ALDH3B2: variants seen among roughly 807,000 people sequenced by gnomAD.
ALDH3B2 encodes aldehyde dehydrogenase family 3 member B2.
In ALDH3B2, 45 loss-of-function variants were observed where a neutral mutation model predicts 36.7. That is an observed-to-expected ratio of 1.23 (90% CI 0.97 to 1.57). ALDH3B2 has a LOEUF of 1.57. Ranked by LOEUF, ALDH3B2 falls within the 40% of genes most tolerant of loss-of-function variation. ALDH3B2 has a pLI of 0.00. For missense variants in ALDH3B2, 464 were observed against 513.3 expected (o/e 0.90, Z 0.93); for synonymous variants, 217 against 226.5 (o/e 0.96, Z 0.38).
At chr11:67,664,725 C>G (rs560152475) in intron 7 of ALDH3B2, among the ~76,000 whole-genome samples, 163 bp from the exon 8 acceptor site, 2 of 152,192 alleles carry the variant, frequency 1.3e-5, no homozygotes, top group Non-Finnish European at 2.9e-5. Flanking sequence ...AAGAAAGTTT[C>G]CCCACAGCCC....
upstream of ALDH3B2, among the ~76,000 whole-genome samples, chr11:67,678,060 C>T (rs1423933202): frequency 1.3e-5 from 2 of 152,126 alleles, no homozygotes; most frequent in Non-Finnish European, 2.9e-5. Context: ...TCTACAAATT[C>T]AACACAATCT....
intron 7 of ALDH3B2, among the ~76,000 whole-genome samples, 195 bp downstream of exon 7, chr11:67,665,090 C>G (rs567904873): frequency 6.6e-6 from 1 of 152,246 alleles, no homozygotes; most frequent in South Asian, 2.1e-4. Context: ...GCTGAGGGAC[C>G]AGAGTATGGC....
At chr11:67,667,071 T>C (rs1591143780) in intron 2 of ALDH3B2, 55 bp from the exon 3 acceptor site, 1 of 1,067,696 alleles carries the variant, frequency 9.4e-7, no homozygotes, top group Non-Finnish European at 1.4e-6. Flanking sequence ...CCAGGAGGGG[T>C]CTAGAATTTG....
upstream of ALDH3B2, among the ~76,000 whole-genome samples, chr11:67,675,512 G>T (rs1201102366): frequency 3.3e-5 from 5 of 152,196 alleles, no homozygotes; most frequent in African/African-American, 1.2e-4. Flanking sequence ...TGAGACCAAG[G>T]ACACGCCCTG....
chr11:67,670,602 C>T (rs1856080478), intron 1 of ALDH3B2, among the ~76,000 whole-genome samples: 1 of 152,138 alleles, frequency 6.6e-6, no homozygotes, highest in Non-Finnish European at 1.5e-5. Context: ...TGGACAGAGC[C>T]AGCTGAACCA....
At chr11:67,681,132 T>G (rs1856360040) in intron 1 of ALDH3B2, 1 of 152,380 alleles carries the variant, frequency 6.6e-6, no homozygotes, top group Non-Finnish European at 1.5e-5. Flanking sequence ...GAGGTTTAAT[T>G]GACTCACAGT....
chr11:67,673,410 G>A (rs527365834), intron 1 of ALDH3B2, among the ~76,000 whole-genome samples: 1 of 152,330 alleles, frequency 6.6e-6, no homozygotes, highest in Non-Finnish European at 1.5e-5. Flanking sequence ...AACATGATCG[G>A]TGGGCCAGGG....
At chr11:67,664,735 C>A (rs1360818420) in intron 7 of ALDH3B2, among the ~76,000 whole-genome samples, 173 bp from the exon 8 acceptor site, 1 of 152,204 alleles carries the variant, frequency 6.6e-6, no homozygotes, top group African/African-American at 2.4e-5. Context: ...CCCCACAGCC[C>A]CCCAGAAGGG....
At chr11:67,680,244 G>A (rs1186867447) in intron 1 of ALDH3B2, among the ~76,000 whole-genome samples, 1 of 152,278 alleles carries the variant, frequency 6.6e-6, no homozygotes, top group East Asian at 1.9e-4. Flanking sequence ...AACCAGGGAG[G>A]TGGAGCTTGC....
At position 67,664,403 on chromosome 11, in the gene ALDH3B2, CT is replaced by C. The variant is rs1265878482; in HGVS notation, c.865del (p.Ser289AlafsTer5). 2.0e-5 allele frequency: 33 copies of C among 1,613,970 alleles called. No individual in the cohort carries two copies. Among genetic ancestry groups the C allele is most frequent in the Non-Finnish European group, 2.8e-5 (33 of 1,180,012 alleles). The stretch of plus-strand genomic sequence containing the variant: ...ACCCGGCCGCACCCCCACCTGGCTG[CT>C]GTTGGAGAAGGCGTACAGGGCCAGG... On this transcript the variant is annotated frameshift_variant, in exon 8 of 10. Transcript: ENST00000349015. LOFTEE classifies it high-confidence loss of function.
chr11:67,665,384 G>A (rs1156962746), exon 7 of ALDH3B2: 19 of 1,613,732 alleles, frequency 1.2e-5, no homozygotes, highest in African/African-American at 2.7e-5. Flanking sequence ...TTGATGATGT[G>A]GCCCAGGTTT....
At chr11:67,676,943 G>A (rs771826005), upstream of ALDH3B2, among the ~76,000 whole-genome samples, 1 of 152,110 alleles carries the variant, frequency 6.6e-6, no homozygotes, top group Non-Finnish European at 1.5e-5. Context: ...CAAGCAGCGG[G>A]ATGGAAGTGG....
chr11:67,670,040 GTATGGGTGTCTCTATGT>G (rs2134147196), intron 1 of ALDH3B2, among the ~76,000 whole-genome samples: 1 of 17,720 alleles, frequency 5.6e-5, no homozygotes, highest in Non-Finnish European at 2.9e-4. Flanking sequence ...GTCTGTGTGT[GTATGGGTGTCTCTATGT>G]GTATGGGTGT....
chr11:67,666,342 C>A lies in ALDH3B2; in HGVS notation c.211G>T (p.Glu71Ter), dbSNP rs768999361. The change falls in exon 5 of 10, where the codon GAG becomes TAG. Residue 71 changes from glutamate (E) to a stop codon, truncating the protein, a stop_gained. Transcript: ENST00000349015. LOFTEE classifies it high-confidence loss of function. ...TGGTCCAGGTACTGGGGCAGCACCT[C>A]AGCCAGGACCTTCTCTGTGCCCTGG... 1 of 1,606,108 alleles carries A rather than the reference C, an allele frequency of 6.2e-7. No homozygotes were observed. The highest frequency in any genetic ancestry group is 8.5e-7 in the Non-Finnish European group (1 of 1,176,292).
chr11:67,672,084 T>C (rs1362280492), intron 1 of ALDH3B2, among the ~76,000 whole-genome samples: 1 of 95,854 alleles, frequency 1.0e-5, no homozygotes, highest in Non-Finnish European at 2.1e-5. Flanking sequence ...TATATATATA[T>C]ATATGTATGT....
At chr11:67,665,851 C>T (rs374342797) in intron 6 of ALDH3B2, among the ~76,000 whole-genome samples, 180 bp from the exon 7 acceptor site, 23 of 152,132 alleles carry the variant, frequency 1.5e-4, no homozygotes, top group Admixed American at 7.9e-4. Context: ...GACTCTTGCC[C>T]GCTTTCTTCA....
chr11:67,671,357 G>A (rs1265017359), intron 1 of ALDH3B2: 1 of 152,352 alleles, frequency 6.6e-6, no homozygotes, highest in Admixed American at 6.5e-5. Context: ...GGGGGCTGGA[G>A]CTGGACCCAA....
chr11:67,663,200 A>T, exon 10 of ALDH3B2: 1 of 1,590,664 alleles, frequency 6.3e-7, no homozygotes, highest in Non-Finnish European at 8.6e-7. Context: ...GACCCGTTGG[A>T]GGCGGGTGGG....
chr11:67,673,871 C>T (rs1302580337), intron 1 of ALDH3B2: 4 of 152,316 alleles, frequency 2.6e-5, no homozygotes, highest in African/African-American at 9.6e-5. Context: ...ATGTGTGCCT[C>T]GTGCCTTTCA....
Sources: gnomAD v4.1 joint callset for allele counts (sites outside exome capture counted in the v4.1 genomes callset) on GRCh38, gnomAD v4.1.1 for gene constraint, MANE v1.5 for transcripts, NCBI Gene and HGNC (gene_info 2026-07-23, HGNC 2026-07-21) for gene names.